Variants in DIS3L2 observed in about 807,000 individuals in gnomAD.
The protein encoded by DIS3L2 is DIS3 like 3'-5' exoribonuclease 2, also known as DIS3-like exonuclease 2.
In DIS3L2, 34 loss-of-function variants were observed where a neutral mutation model predicts 97.5. The observed-to-expected ratio is 0.35, with a 90% CI of 0.27 to 0.46. DIS3L2 has a LOEUF of 0.46. Among genes scored for constraint, DIS3L2 ranks in the 20% least tolerant of loss-of-function variants. The pLI is 1.00. For synonymous variants in DIS3L2, 435 were observed against 445.2 expected, an observed-to-expected ratio of 0.98 and a Z score of 0.29; for missense variants, 1,038 against 1,146.0, an observed-to-expected ratio of 0.91 and a Z score of 1.36.
chr2:232,112,603 A>G (rs1432966530), intron 6 of DIS3L2, among the ~76,000 whole-genome samples: 1 of 152,166 alleles, frequency 6.6e-6, no homozygotes, highest in Non-Finnish European at 1.5e-5. Context: ...AGGAAAACCA[A>G]CACATTGACT....
At chr2:232,290,892 G>A (rs549481845) in intron 13 of DIS3L2, among the ~76,000 whole-genome samples, 1 of 152,294 alleles carries the variant, frequency 6.6e-6, no homozygotes, top group East Asian at 1.9e-4. Context: ...GCCAGCAGAA[G>A]GATGTATTTT....
intron 9 of DIS3L2, among the ~76,000 whole-genome samples, chr2:232,182,731 T>C (rs1293685143): frequency 2.6e-5 from 4 of 152,228 alleles, no homozygotes; most frequent in Non-Finnish European, 5.9e-5. Flanking sequence ...TTAGTTTGGC[T>C]ACTCCAGCTC....
intron 10 of DIS3L2, among the ~76,000 whole-genome samples, chr2:232,221,907 A>T (rs1273150650): frequency 1.3e-5 from 2 of 150,692 alleles, no homozygotes; most frequent in Non-Finnish European, 3.0e-5. Context: ...GAATGCTGTT[A>T]CTCCTATGTT....
At chr2:232,182,424 C>G (rs1691315081) in intron 9 of DIS3L2, among the ~76,000 whole-genome samples, 1 of 152,134 alleles carries the variant, frequency 6.6e-6, no homozygotes, top group Admixed American at 6.6e-5. Flanking sequence ...CTGTAGATAT[C>G]TGTTAGATCT....
At chr2:232,270,945 C>T (rs944451268) in intron 13 of DIS3L2, among the ~76,000 whole-genome samples, 2 of 150,886 alleles carry the variant, frequency 1.3e-5, no homozygotes, top group African/African-American at 4.9e-5. Context: ...CTCTCTGTCT[C>T]TCTCAGGTGT....
chr2:232,125,545 C>T (rs547697149), intron 6 of DIS3L2, among the ~76,000 whole-genome samples: 8 of 152,324 alleles, frequency 5.3e-5, no homozygotes, highest in Non-Finnish European at 1.0e-4. Flanking sequence ...GCTGGAATAA[C>T]AGTACCCACT....
chr2:232,236,494 ATTC>A (rs1400212463), intron 10 of DIS3L2, among the ~76,000 whole-genome samples: 1 of 152,116 alleles, frequency 6.6e-6, no homozygotes, highest in Non-Finnish European at 1.5e-5. Flanking sequence ...TGAGGTCATA[ATTC>A]TTCTTTTCTT....
intron 9 of DIS3L2, among the ~76,000 whole-genome samples, chr2:232,200,394 C>G (rs1200284814): frequency 6.6e-6 from 1 of 152,146 alleles, no homozygotes; most frequent in Non-Finnish European, 1.5e-5. Flanking sequence ...GCCATTCCCA[C>G]CAGAAGGAAT....
chr2:232,016,976 G>A (rs2106223666), intron 3 of DIS3L2, among the ~76,000 whole-genome samples: 1 of 129,720 alleles, frequency 7.7e-6, no homozygotes, highest in East Asian at 2.4e-4. Flanking sequence ...TTACCTTTCT[G>A]TATTTATCTG....
chr2:232,080,152 C>T (rs1390802578), intron 5 of DIS3L2, among the ~76,000 whole-genome samples: 1 of 152,122 alleles, frequency 6.6e-6, no homozygotes, highest in Admixed American at 6.6e-5. Flanking sequence ...GGCCACTGGG[C>T]TCTTCTGATG....
chr2:232,117,138 G>A lies in DIS3L2; in HGVS notation c.602-13481G>A, dbSNP rs538109007. Among the ~76,000 whole-genome samples the A allele has an allele frequency of 2.0e-5, 3 of 152,220 alleles. No individual in the cohort carries two copies. In the South Asian group the frequency reaches 6.2e-4, roughly 32 times the overall value. On this transcript the variant is annotated intron_variant, in intron 6 of 20. Coordinates refer to ENST00000325385, the MANE Select transcript of DIS3L2 (RefSeq NM_152383.5). ...CTCTGCAGTTCACCCAGGCCTCATT[G>A]CACCTTTTCTTCCAGGTATGAATAT...
In DIS3L2 at chr2:232,336,669, G is replaced by A. The variant is rs1224968855; in HGVS notation, c.*39G>A. On this transcript the variant is annotated 3_prime_UTR_variant, in exon 21 of 21. Coordinates refer to ENST00000325385, the MANE Select transcript of DIS3L2 (RefSeq NM_152383.5). ...CCTGCCCCGCCTGCCCCGCCTGCCT[G>A]TCCCGCCACACTGGCTTTAGGACCT... 2 of 1,550,860 alleles carry A rather than the reference G, an allele frequency of 1.3e-6. No individual in the cohort carries two copies. Among genetic ancestry groups the A allele is most frequent in the East Asian group, 2.4e-5 (1 of 41,388 alleles).
In DIS3L2 at chr2:232,270,900, CTCTCTCTCTCTCTCTG is replaced by C. The variant is rs1559185274; in HGVS notation, c.1659+7465_1659+7480del. 5.5e-5 allele frequency among the ~76,000 whole-genome samples: 8 copies of C among 144,222 alleles called. No homozygotes were observed. In the South Asian group the frequency reaches 6.4e-4, roughly 11 times the overall value. The allele number at this position is 144,222 out of a possible 152,430, so 94.6% of individuals were successfully genotyped here. On this transcript the variant is annotated intron_variant, in intron 13 of 20. Coordinates refer to ENST00000325385, the MANE Select transcript of DIS3L2 (RefSeq NM_152383.5). Reference sequence around the variant, plus strand: ...TCTCTCTCTCTCTCTCTCTCTCTCTCTCTCTCTCTCTCTCTGTCTCGTCTCTCTCTCTCTCTCTCTG... The same window carrying C: ...TCTCTCTCTCTCTCTCTCTCTCTCTCTCTCGTCTCTCTCTCTCTCTCTCTG...
intron 1 of DIS3L2, among the ~76,000 whole-genome samples, chr2:231,996,204 A>G (rs1693726177): frequency 6.6e-6 from 1 of 152,218 alleles, no homozygotes; most frequent in African/African-American, 2.4e-5. Flanking sequence ...GGTCCAGGCA[A>G]TTCCTGTTTT....
At chr2:232,085,421 C>T (rs536816998) in intron 5 of DIS3L2, among the ~76,000 whole-genome samples, 5 of 152,264 alleles carry the variant, frequency 3.3e-5, no homozygotes, top group East Asian at 3.9e-4. Context: ...GGACTCATGA[C>T]GGTGCCTGGC....
intron 1 of DIS3L2, among the ~76,000 whole-genome samples, chr2:231,989,389 A>G (rs186869910): frequency 1.3e-5 from 2 of 149,958 alleles, no homozygotes; most frequent in Admixed American, 1.3e-4. Flanking sequence ...GTGTGTTTGT[A>G]TAGAGGCGTA....
In DIS3L2 at chr2:232,237,389, G is replaced by A. The variant is rs771282813; in HGVS notation, c.1205-1144G>A. On this transcript the variant is annotated intron_variant, in intron 10 of 20. Coordinates refer to ENST00000325385, the MANE Select transcript of DIS3L2 (RefSeq NM_152383.5). The stretch of plus-strand genomic sequence containing the variant: ...CAGTTCTAAAAGGAAAAAGAAAGTG[G>A]GTCCTTTACCAGAGGGAAAAGACAG... 3.3e-5 allele frequency among the ~76,000 whole-genome samples: 5 copies of A among 152,038 alleles called. 1 individual carries two copies. The highest frequency in any genetic ancestry group is 7.4e-5 in the Non-Finnish European group (5 of 68,010).
intron 8 of DIS3L2, among the ~76,000 whole-genome samples, chr2:232,154,804 C>T (rs904914184): frequency 1.9e-4 from 25 of 134,938 alleles, no homozygotes; most frequent in Admixed American, 3.1e-4. Flanking sequence ...CCCCCAGCCT[C>T]GTTGCCGCCT....
Position 232,294,024 on chromosome 2 carries a change from G to T in DIS3L2, c.1660-6016G>T, listed in dbSNP as rs1437059549. Among the ~76,000 whole-genome samples, 8 of 152,336 alleles carry T rather than the reference G, an allele frequency of 5.3e-5. No homozygotes were observed. In the South Asian group the frequency reaches 1.7e-3, roughly 32 times the overall value. ...CACCAAGGCACTGGCTGCCCACTTTGTCAGTCTTTGGAGTCTGTGTCCTCC... is the reference window on the plus strand; with the variant it reads ...CACCAAGGCACTGGCTGCCCACTTTTTCAGTCTTTGGAGTCTGTGTCCTCC... On this transcript the variant is annotated intron_variant, in intron 13 of 20. Transcript: ENST00000325385.
Sources: allele counts gnomAD v4.1 joint callset (sites outside exome capture counted in the v4.1 genomes callset), GRCh38; gene constraint gnomAD v4.1.1; transcripts MANE v1.5; gene names NCBI Gene and HGNC (gene_info 2026-07-23, HGNC 2026-07-21).